The following ELFN1 variants were observed in gnomAD, a reference collection of about 807,000 sequenced individuals.
The protein encoded by ELFN1 is protein ELFN1.
A neutral mutation model predicts 7.6 loss-of-function variants in ELFN1; 6 were observed. The observed-to-expected ratio is 0.79, with a 90% CI of 0.43 to 1.56. ELFN1 has a LOEUF of 1.56. ELFN1 is among the 40% of genes most tolerant of loss of function. ELFN1 has a pLI of 0.01. For missense variants in ELFN1, 1,169 were observed against 1,232.2 expected, an observed-to-expected ratio of 0.95 and a Z score of 0.77; for synonymous variants, 657 against 588.1, an observed-to-expected ratio of 1.12 and a Z score of -1.70.
At chr7:1,681,845 C>T (rs770169371) in intron 1 of ELFN1, among the ~76,000 whole-genome samples, 12 of 152,118 alleles carry the variant, frequency 7.9e-5, no homozygotes, top group Non-Finnish European at 1.0e-4. Context: ...TCCGAATGAC[C>T]GATGAAGTTG....
At chr7:1,727,708 A>G (rs1030911078) in intron 3 of ELFN1, among the ~76,000 whole-genome samples, 23 of 152,048 alleles carry the variant, frequency 1.5e-4, no homozygotes, top group African/African-American at 5.6e-4. Flanking sequence ...TCCTGGGCTC[A>G]AGGAATCCTC....
Position 1,746,749 on chromosome 7 carries a change from C to T in ELFN1, c.2153C>T (p.Pro718Leu). ...TCCCACCCGGCCGAGCCACCTGCGC[C>T]CCCCGGGCCACCGCCGCCGCCTCCG... Reference protein sequence around the residue: ...PGSHPAEPPAPPGPPPPPPHE... With the variant: ...PGSHPAEPPALPGPPPPPPHE... The change falls in exon 4 of 4, where the codon CCC (proline) becomes CTC (leucine). Residue 718 changes from proline (P) to leucine (L), a missense_variant. Coordinates refer to ENST00000424383, the MANE Select transcript of ELFN1 (RefSeq NM_001128636.4). The T allele has an allele frequency of 6.7e-7, 1 of 1,496,362 alleles. No homozygotes were observed. The highest frequency in any genetic ancestry group is 8.9e-7 in the Non-Finnish European group (1 of 1,129,672). The allele number at this position is 1,496,362 out of a possible 1,614,324, so 92.7% of individuals were successfully genotyped here.
chr7:1,718,629 C>T (rs375262702), intron 3 of ELFN1, among the ~76,000 whole-genome samples: 10 of 152,264 alleles, frequency 6.6e-5, no homozygotes, highest in East Asian at 3.9e-4. Flanking sequence ...GCAGTGACAT[C>T]GGGACAGTAG....
At chr7:1,674,670 C>G (rs1410759355) in intron 1 of ELFN1, among the ~76,000 whole-genome samples, 2 of 152,130 alleles carry the variant, frequency 1.3e-5, no homozygotes, top group Admixed American at 6.5e-5. Flanking sequence ...ATGTCTTCCT[C>G]TGCCAGTTCC....
At chr7:1,674,832 G>C (rs1778835947) in intron 1 of ELFN1, among the ~76,000 whole-genome samples, 1 of 152,130 alleles carries the variant, frequency 6.6e-6, no homozygotes, top group South Asian at 2.1e-4. Flanking sequence ...GACAGAGGAG[G>C]CACAGCCGGG....
chr7:1,676,647 C>T (rs1454297357), intron 1 of ELFN1, among the ~76,000 whole-genome samples: 3 of 152,254 alleles, frequency 2.0e-5, no homozygotes, highest in African/African-American at 7.2e-5. Flanking sequence ...CCCTGCGTCC[C>T]TCTGTGCCCT....
intron 3 of ELFN1, among the ~76,000 whole-genome samples, chr7:1,715,902 T>C (rs1445915861): frequency 6.6e-6 from 1 of 152,142 alleles, no homozygotes; most frequent in African/African-American, 2.4e-5. Context: ...CCTCCCTTCA[T>C]AGACCCTACC....
chr7:1,670,153 A>AGGAGGGAG (rs1003811532), upstream of ELFN1, among the ~76,000 whole-genome samples: 10 of 51,220 alleles, frequency 2.0e-4, no homozygotes, highest in Non-Finnish European at 3.1e-4. This position sits in a 1 kb window ranked among gnomAD's most constrained non-coding sequence, Gnocchi z 6.4. Flanking sequence ...GAGGGAGAGA[A>AGGAGGGAG]GGAGGGAGGG....
upstream of ELFN1, among the ~76,000 whole-genome samples, chr7:1,666,285 G>A (rs1013004144): frequency 3.8e-4 from 56 of 149,212 alleles, no homozygotes; most frequent in East Asian, 0.011. The surrounding 1 kb of genome is among the most constrained non-coding windows in gnomAD (Gnocchi z 7.9). Context: ...GATGCTCTCT[G>A]GGGGGGGCGG....
chr7:1,745,590 A>G lies in ELFN1; in HGVS notation c.994A>G (p.Thr332Ala), dbSNP rs1265833669. 3.9e-6 allele frequency: 6 copies of G among 1,550,744 alleles called. No individual in the cohort carries two copies. Among genetic ancestry groups the G allele is most frequent in the Non-Finnish European group, 5.2e-6 (6 of 1,146,936 alleles). ...KQLTQNSATITVQLPSPFHRM... is the reference protein window; with the variant it reads ...KQLTQNSATIAVQLPSPFHRM... ...GCTCACTCAGAACTCGGCCACCATC[A>G]CCGTCCAGCTGCCCAGCCCGTTCCA... Residue 332 changes from threonine (T) to alanine (A), a missense_variant, in exon 4 of 4, where the codon ACC becomes GCC. Physicochemically the swap from Thr to Ala is moderately conservative, Grantham distance 58. Coordinates refer to ENST00000424383, the MANE Select transcript of ELFN1 (RefSeq NM_001128636.4).
chr7:1,716,301 G>A (rs1386675387), intron 3 of ELFN1, among the ~76,000 whole-genome samples: 2 of 152,198 alleles, frequency 1.3e-5, no homozygotes, highest in Non-Finnish European at 2.9e-5. Context: ...TCATCGTGTT[G>A]TGTGCTGTGG....
intron 2 of ELFN1, among the ~76,000 whole-genome samples, chr7:1,690,727 G>A (rs773775290): frequency 2.7e-5 from 4 of 150,846 alleles, no homozygotes; most frequent in Non-Finnish European, 5.9e-5. Flanking sequence ...ATGGATGGGC[G>A]GGTGTGTGAA....
rs986940924 is a variant in ELFN1 at position 1,694,311 on chromosome 7, G to A, written c.-456+6161G>A. On this transcript the variant is annotated intron_variant, in intron 2 of 3. Transcript: ENST00000424383. ...GGTGGTTTTCCTGCCTCCCTTTGCC[G>A]TTTTGCTGGTTATCAAAGACCTTTG... is the stretch of plus-strand genomic sequence containing the variant. 4.2e-5 allele frequency: 7 copies of A among 165,366 alleles called. No individual in the cohort carries two copies. The South Asian group carries it at 4.9e-4, about 12-fold the overall frequency. 10.2% of individuals were successfully genotyped at this position (165,366 alleles called of 1,614,324 possible).
chr7:1,701,651 A>T (rs1399609388), intron 2 of ELFN1, among the ~76,000 whole-genome samples: 1 of 151,956 alleles, frequency 6.6e-6, no homozygotes. Context: ...CTCTAAAAAA[A>T]ATTAATGGAG....
At chr7:1,686,197 G>A (rs1448065323) in intron 1 of ELFN1, among the ~76,000 whole-genome samples, 1 of 151,542 alleles carries the variant, frequency 6.6e-6, no homozygotes, top group Non-Finnish European at 1.5e-5. Context: ...TGCTAGTATT[G>A]CTGGGTTTTG....
chr7:1,725,392 G>A (rs1268823042), intron 3 of ELFN1, among the ~76,000 whole-genome samples: 1 of 151,414 alleles, frequency 6.6e-6, no homozygotes, highest in East Asian at 2.0e-4. Flanking sequence ...CGAGGCCGGT[G>A]ACAGGTGCGT....
At chr7:1,677,038 C>T (rs961245890) in intron 1 of ELFN1, among the ~76,000 whole-genome samples, 1 of 152,140 alleles carries the variant, frequency 6.6e-6, no homozygotes, top group Non-Finnish European at 1.5e-5. Context: ...ACGCTGGCAG[C>T]GGAGAGACAG....
rs1780719485 is a variant in ELFN1 at position 1,744,537 on chromosome 7, T to C, written c.-60T>C. The C allele has an allele frequency of 1.4e-6, 2 of 1,428,142 alleles. No homozygotes were observed. Among genetic ancestry groups the C allele is most frequent in the Non-Finnish European group, 1.8e-6 (2 of 1,094,938 alleles). The allele number at this position is 1,428,142 out of a possible 1,614,324, so 88.5% of individuals were successfully genotyped here. A position where few individuals can be genotyped will look rare whatever the true frequency, so the allele number is the denominator to read the frequency against. The stretch of plus-strand genomic sequence containing the variant: ...CTCCATCCCTCTGGGGGCTGGCGCC[T>C]GGCCCCCCACCTGGTCCCCCTGGGC... On this transcript the variant is annotated 5_prime_UTR_variant, in exon 4 of 4. Transcript: ENST00000424383.
chr7:1,733,761 G>T (rs1780373345), intron 3 of ELFN1, among the ~76,000 whole-genome samples: 1 of 152,166 alleles, frequency 6.6e-6, no homozygotes, highest in African/African-American at 2.4e-5. Context: ...ATTAACAGCA[G>T]CCAGGAAACA....
Sources: gnomAD v4.1 joint callset for allele counts (sites outside exome capture counted in the v4.1 genomes callset) on GRCh38, gnomAD v4.1.1 for gene constraint, Gnocchi (gnomAD v3.1) non-coding constraint, MANE v1.5 for transcripts, NCBI Gene and HGNC (gene_info 2026-07-23, HGNC 2026-07-21) for gene names.